Variants in HERC1 observed in about 807,000 individuals in gnomAD.
HERC1 encodes HECT and RLD domain containing E3 ubiquitin protein ligase family member 1.
Under a neutral mutation model 554.3 loss-of-function variants are expected in HERC1, and 160 were observed. The ratio of observed to expected loss-of-function variants is 0.29; its 90% CI spans 0.25 to 0.33. HERC1 has a LOEUF of 0.33. HERC1 is among the 10% of genes least tolerant of loss of function. HERC1 has a pLI of 1.00. For missense variants in HERC1, 4,919 were observed against 5,918.5 expected (o/e 0.83, Z 5.54); for synonymous variants, 2,175 against 2,131.7 (o/e 1.02, Z -0.56).
In HERC1 at chr15:63,775,897, G is replaced by T. The variant is rs934782029; in HGVS notation, c.-26-248C>A. Among the ~76,000 whole-genome samples the T allele has an allele frequency of 2.0e-5, 3 of 152,012 alleles. No homozygotes were observed. The highest frequency in any genetic ancestry group is 7.2e-5 in the African/African-American group (3 of 41,400). On this transcript the variant is annotated intron_variant, in intron 1 of 77. Coordinates refer to ENST00000443617, the MANE Select transcript of HERC1 (RefSeq NM_003922.4). The surrounding 1 kb of genome is among the most constrained non-coding windows in gnomAD (Gnocchi z 4.0). ...TACTAAAAATACAAAAATTAGCCAG[G>T]CATGGTGGCACATACCTCTAGTCCC...
chr15:63,725,798 T>C (rs1596077054), intron 17 of HERC1, among the ~76,000 whole-genome samples: 1 of 152,204 alleles, frequency 6.6e-6, no homozygotes, highest in Non-Finnish European at 1.5e-5. Context: ...ATTATATTCC[T>C]ACTTTTCATT....
intron 57 of HERC1, among the ~76,000 whole-genome samples, chr15:63,644,575 T>C (rs2069234811): frequency 6.6e-6 from 1 of 152,200 alleles, no homozygotes. Context: ...GTTACTCGCC[T>C]AGAGGGCTCT....
chr15:63,615,601 T>C (rs2067781363), intron 76 of HERC1, among the ~76,000 whole-genome samples, 167 bp downstream of exon 76: 1 of 152,158 alleles, frequency 6.6e-6, no homozygotes, highest in South Asian at 2.1e-4. Flanking sequence ...CAGAGTGAGG[T>C]GCTGTCTCAA....
At chr15:63,738,039 A>C (rs1395602458) in intron 12 of HERC1, among the ~76,000 whole-genome samples, 1 of 152,202 alleles carries the variant, frequency 6.6e-6, no homozygotes, top group Non-Finnish European at 1.5e-5. Context: ...TGGATGAAGA[A>C]ACCCAGCAGA....
At chr15:63,683,288 G>A (rs2071578252) in intron 34 of HERC1, among the ~76,000 whole-genome samples, 1 of 152,128 alleles carries the variant, frequency 6.6e-6, no homozygotes, top group African/African-American at 2.4e-5. Context: ...TTTGTCACCA[G>A]TGGGTGGATT....
chr15:63,638,785 CAG>C lies in HERC1; in HGVS notation c.11902-11_11902-10del, dbSNP rs781677353. The stretch of plus-strand genomic sequence containing the variant: ...ATCCATTTACTGTTATCCTGAAAAA[CAG>C]GGGGTACATAATGATCAATTCTGCT... On this transcript the variant is annotated splice_polypyrimidine_tract_variant and intron_variant, in intron 61 of 77. Coordinates refer to ENST00000443617, the MANE Select transcript of HERC1 (RefSeq NM_003922.4). The C allele has an allele frequency of 2.8e-4, 444 of 1,610,640 alleles. 10 individuals are homozygous for C. In the South Asian group the frequency reaches 4.4e-3, roughly 16 times the overall value.
chr15:63,624,104 C>T (rs2068200195), intron 72 of HERC1, 54 bp downstream of exon 72: 2 of 1,477,886 alleles, frequency 1.4e-6, no homozygotes, highest in African/African-American at 1.4e-5. Flanking sequence ...TTAGTAATAA[C>T]ATCCATCTGA....
intron 57 of HERC1, 37 bp downstream of exon 57, chr15:63,644,955 T>C (rs2069257867): frequency 3.5e-6 from 5 of 1,445,452 alleles, no homozygotes; most frequent in Non-Finnish European, 4.9e-6. Context: ...ATACTTTCCA[T>C]AGTTTCAGAC....
rs1173797097 is a variant in HERC1, at chr15:63,692,933, C to A, written c.5675-367G>T. Among the ~76,000 whole-genome samples the A allele has an allele frequency of 6.6e-6, 1 of 152,118 alleles. No homozygotes were observed. Among genetic ancestry groups the A allele is most frequent in the African/African-American group, 2.4e-5 (1 of 41,434 alleles). On this transcript the variant is annotated intron_variant, in intron 30 of 77. Transcript: ENST00000443617. The surrounding 1 kb of genome is among the most constrained non-coding windows in gnomAD (Gnocchi z 4.7). ...CAATGGCTCACATCTGTAATCCCAG[C>A]ACTTTGGGAGGTCGAGGCGGGCGGA...
At chr15:63,797,945 A>T (rs917951106) in intron 1 of HERC1, among the ~76,000 whole-genome samples, 1 of 152,224 alleles carries the variant, frequency 6.6e-6, no homozygotes, top group Non-Finnish European at 1.5e-5. Flanking sequence ...CAGATTCTGA[A>T]GTCCAGTGCT....
At chr15:63,777,906 T>A (rs1257233792) in intron 1 of HERC1, among the ~76,000 whole-genome samples, 1 of 152,220 alleles carries the variant, frequency 6.6e-6, no homozygotes, top group Non-Finnish European at 1.5e-5. Context: ...GGAAGTTTAA[T>A]ACACTCTATA....
chr15:63,636,976 G>C lies in HERC1; in HGVS notation c.12232+529C>G. ...ACTTGTTTTGAACTCATAGTTACTT[G>C]TATGCTTTTACCTAAAAAAACCGTC... is the stretch of plus-strand genomic sequence containing the variant. On this transcript the variant is annotated intron_variant, in intron 64 of 77. Transcript: ENST00000443617. 4 of 360,908 alleles carry C rather than the reference G, an allele frequency of 1.1e-5. No individual in the cohort carries two copies. In the Admixed American group the frequency reaches 1.5e-4, roughly 13 times the overall value. 22.4% of individuals were successfully genotyped at this position (360,908 alleles called of 1,614,324 possible). A position where few individuals can be genotyped will look rare whatever the true frequency, so the allele number is the denominator to read the frequency against.
intron 14 of HERC1, among the ~76,000 whole-genome samples, chr15:63,730,782 T>G (rs1409129184): frequency 6.6e-6 from 1 of 152,194 alleles, no homozygotes; most frequent in African/African-American, 2.4e-5. Flanking sequence ...GAGAACAAAT[T>G]TGGCTGAAGA....
intron 34 of HERC1, among the ~76,000 whole-genome samples, chr15:63,685,824 T>G (rs1023707759): frequency 1.3e-5 from 2 of 152,246 alleles, no homozygotes; most frequent in African/African-American, 4.8e-5. Flanking sequence ...TGGGGGAACT[T>G]GACTGGTAAA....
At chr15:63,829,263 TA>T (rs200246221) in intron 1 of HERC1, among the ~76,000 whole-genome samples, 2,530 of 149,632 alleles carry the variant, frequency 0.017, 66 homozygotes, top group African/African-American at 0.059. Flanking sequence ...TACTAAAAAT[TA>T]AAAAAAAATC....
chr15:63,640,581 G>C (rs919831465), intron 60 of HERC1, 136 bp from the exon 61 acceptor site: 46 of 746,192 alleles, frequency 6.2e-5, no homozygotes, highest in Non-Finnish European at 9.6e-5. Context: ...AATAATTTTA[G>C]ATTTAGAGTG....
rs1396277712 is a variant in HERC1 at position 63,727,712 on chromosome 15, C to G, written c.3281G>C (p.Cys1094Ser). Residue 1094 changes from cysteine to serine, a missense_variant, in exon 17 of 78, where the codon TGC (cysteine) becomes TCC (serine). Physicochemically the swap from Cys to Ser is moderately radical, Grantham distance 112. Around this residue, in one of 11 missense-constraint regions of HERC1, gnomAD observed 1,121 missense variants for 1,244.0 expected, o/e 0.90. Coordinates refer to ENST00000443617, the MANE Select transcript of HERC1 (RefSeq NM_003922.4). This position sits in a 1 kb window ranked among gnomAD's most constrained non-coding sequence, Gnocchi z 4.3. ...AGCAGCTGGCAGGAGTCTATTAAGGCAATCAAGAGGTGGCAACAAGTCGAG... is the reference window on the plus strand; with the variant it reads ...AGCAGCTGGCAGGAGTCTATTAAGGGAATCAAGAGGTGGCAACAAGTCGAG... The part of the protein sequence containing the change: ...YLLDLLPPLD[C>S]LNRLLPAADL... The G allele has an allele frequency of 6.2e-7, 1 of 1,613,760 alleles. No individual in the cohort carries two copies. The highest frequency in any genetic ancestry group is 8.5e-7 in the Non-Finnish European group (1 of 1,179,820).
intron 19 of HERC1, among the ~76,000 whole-genome samples, chr15:63,720,475 T>G (rs2073772758): frequency 6.6e-6 from 1 of 152,104 alleles, no homozygotes; most frequent in South Asian, 2.1e-4. Flanking sequence ...CTTGAAAAAT[T>G]TTTAGCCTCA....
At chr15:63,736,894 ACCACGCCCGG>A (rs1350503800) in intron 12 of HERC1, among the ~76,000 whole-genome samples, 1 of 152,142 alleles carries the variant, frequency 6.6e-6, no homozygotes. Context: ...GGCGTGAGCC[ACCACGCCCGG>A]CCATAGCATC....
Sources: allele counts gnomAD v4.1 joint callset (sites outside exome capture counted in the v4.1 genomes callset), GRCh38; gene constraint gnomAD v4.1.1; regional missense constraint gnomAD v4.1.1; non-coding constraint Gnocchi (gnomAD v3.1); transcripts MANE v1.5; gene names NCBI Gene and HGNC (gene_info 2026-07-23, HGNC 2026-07-21).